The following TLN2 variants were observed in gnomAD, a reference collection of about 807,000 sequenced individuals.
The protein encoded by TLN2 is talin 2, also known as talin-2.
In TLN2, 118 loss-of-function variants were observed where a neutral mutation model predicts 294.7. The ratio of observed to expected loss-of-function variants is 0.40; its 90% CI spans 0.34 to 0.47. The LOEUF (loss-of-function observed/expected upper bound fraction) is 0.47, where lower values mean the gene tolerates loss of function less well. TLN2 is among the 20% of genes least tolerant of loss of function. TLN2 has a pLI of 0.84. For synonymous variants in TLN2, 1,431 were observed against 1,304.5 expected (o/e 1.10, Z -2.09); for missense variants, 3,083 against 3,282.2 (o/e 0.94, Z 1.48).
At chr15:62,606,653 A>G (rs149134174) in intron 2 of TLN2, among the ~76,000 whole-genome samples, 7 of 152,252 alleles carry the variant, frequency 4.6e-5, no homozygotes, top group South Asian at 2.1e-4. Flanking sequence ...ACCACCAGAC[A>G]CTGCCTTTTT....
intron 26 of TLN2, 62 bp downstream of exon 26, chr15:62,722,549 C>A: frequency 6.5e-7 from 1 of 1,543,252 alleles, no homozygotes; most frequent in Non-Finnish European, 8.8e-7. Flanking sequence ...GCATGGGTAC[C>A]ACCCAGGGCC....
At position 62,708,686 on chromosome 15, in the gene TLN2, AGCATGTGCG is replaced by A; in HGVS notation, c.2361_2369del (p.His787_Arg789del). 1.2e-6 allele frequency: 2 copies of A among 1,614,140 alleles called. No homozygotes were observed. The highest frequency in any genetic ancestry group is 1.7e-6 in the Non-Finnish European group (2 of 1,180,054). ...AGCCAGGCCCTCCATGATCTCCTGCAGCATGTGCGGCAGTTTGCCAGCCGAGGCGAGCCC... is the reference window on the plus strand; with the variant it reads ...AGCCAGGCCCTCCATGATCTCCTGCAGCAGTTTGCCAGCCGAGGCGAGCCC... On this transcript the variant is annotated inframe_deletion, in exon 21 of 59. Coordinates refer to ENST00000636159, the MANE Select transcript of TLN2 (RefSeq NM_015059.3).
At chr15:62,588,540 G>C (rs2045814730) in intron 1 of TLN2, among the ~76,000 whole-genome samples, 1 of 151,152 alleles carries the variant, frequency 6.6e-6, no homozygotes. Context: ...GCTGAAGCAG[G>C]AGAGTTGCTT....
At chr15:62,653,399 C>G (rs1489822914) in intron 7 of TLN2, 85 bp downstream of exon 7, 1 of 1,431,092 alleles carries the variant, frequency 7.0e-7, no homozygotes, top group Non-Finnish European at 9.2e-7. Context: ...TGACCCAGGA[C>G]AGGACTTTTG....
intron 1 of TLN2, among the ~76,000 whole-genome samples, chr15:62,565,861 C>G (rs1435114436): frequency 2.0e-5 from 3 of 151,986 alleles, no homozygotes; most frequent in Admixed American, 1.3e-4. Flanking sequence ...CCTGGCATAG[C>G]ATTGTCAGGG....
intron 54 of TLN2, among the ~76,000 whole-genome samples, chr15:62,825,836 A>AT (rs1555522053): frequency 2.6e-5 from 2 of 77,064 alleles, no homozygotes; most frequent in African/African-American, 8.2e-5. Context: ...TATAATATAT[A>AT]ATATATATAA....
chr15:62,586,863 T>C (rs755216012), intron 1 of TLN2, among the ~76,000 whole-genome samples: 8 of 152,252 alleles, frequency 5.3e-5, no homozygotes, highest in Non-Finnish European at 1.2e-4. Context: ...GGCTTTGAGC[T>C]TCTTCAGTTA....
chr15:62,532,497 C>T (rs1437461493), intron 1 of TLN2, among the ~76,000 whole-genome samples: 1 of 152,198 alleles, frequency 6.6e-6, no homozygotes, highest in East Asian at 1.9e-4. Context: ...AACTGCTCTC[C>T]AGAGCCCTTT....
intron 51 of TLN2, among the ~76,000 whole-genome samples, chr15:62,805,997 T>C (rs969249765): frequency 4.6e-5 from 7 of 152,158 alleles, no homozygotes; most frequent in Non-Finnish European, 8.8e-5. Flanking sequence ...GAGACCAGCC[T>C]GGGCAACATA....
At chr15:62,558,522 A>C (rs1449169432) in intron 1 of TLN2, among the ~76,000 whole-genome samples, 7 of 152,016 alleles carry the variant, frequency 4.6e-5, no homozygotes, top group Non-Finnish European at 8.8e-5. Context: ...CCCCGTTCTT[A>C]GTTGGAACAG....
At position 62,840,736 on chromosome 15, in the gene TLN2, G is replaced by C. The variant is rs1307827657; in HGVS notation, c.*126G>C. ...CCCTCCCGGGTGAGCCTGGAGCCCTGCGTGCTTGTTCTCACATCTCTGTCC... is the reference window on the plus strand; with the variant it reads ...CCCTCCCGGGTGAGCCTGGAGCCCTCCGTGCTTGTTCTCACATCTCTGTCC... On this transcript the variant is annotated 3_prime_UTR_variant, in exon 59 of 59. Coordinates refer to ENST00000636159, the MANE Select transcript of TLN2 (RefSeq NM_015059.3). 1 of 1,351,382 alleles carries C rather than the reference G, an allele frequency of 7.4e-7. No individual in the cohort carries two copies. Among genetic ancestry groups the C allele is most frequent in the African/African-American group, 1.5e-5 (1 of 68,006 alleles). 83.7% of individuals were successfully genotyped at this position (1,351,382 alleles called of 1,614,324 possible).
chr15:62,786,537 TC>T (rs1396113088), intron 45 of TLN2, among the ~76,000 whole-genome samples: 3 of 152,274 alleles, frequency 2.0e-5, no homozygotes, highest in African/African-American at 7.2e-5. Flanking sequence ...GAACTCGAGA[TC>T]CTATGAGCCA....
Position 62,667,256 on chromosome 15 carries a change from G to A in TLN2, c.789-6571G>A, listed in dbSNP as rs577683158. Among the ~76,000 whole-genome samples, 39 of 152,262 alleles carry A rather than the reference G, an allele frequency of 2.6e-4. No homozygotes were observed. The East Asian group carries it at 4.4e-3, about 17-fold the overall frequency. ...GCTGGGATTACAGGCGTGAGCCACC[G>A]TGCCTGGCGAACACTGGCATTTCTG... is the stretch of plus-strand genomic sequence containing the variant. On this transcript the variant is annotated intron_variant, in intron 9 of 58. Transcript: ENST00000636159.
chr15:62,572,984 C>T (rs62006718), intron 1 of TLN2, among the ~76,000 whole-genome samples: 5,564 of 152,298 alleles, frequency 0.037, 126 homozygotes, highest in Non-Finnish European at 0.056. Flanking sequence ...CACGGGCCTT[C>T]CCAGTTCCCA....
intron 1 of TLN2, among the ~76,000 whole-genome samples, chr15:62,397,046 G>C (rs540087013): frequency 1.3e-5 from 2 of 152,164 alleles, no homozygotes; most frequent in Non-Finnish European, 2.9e-5. Flanking sequence ...CCTCAAACTT[G>C]GTTTTCCTAA....
chr15:62,699,016 C>A, intron 16 of TLN2, 149 bp downstream of exon 16: 3 of 733,138 alleles, frequency 4.1e-6, no homozygotes, highest in Middle Eastern at 5.9e-4. Flanking sequence ...CTTTGCCTCT[C>A]AGTTGCACCC....
chr15:62,824,245 G>A (rs180920432), intron 54 of TLN2, among the ~76,000 whole-genome samples: 3 of 152,178 alleles, frequency 2.0e-5, no homozygotes, highest in Non-Finnish European at 1.5e-5. Context: ...AAGAGCCTGG[G>A]GTATTCTGTG....
rs397971393 is a variant in TLN2, at chr15:62,460,277, T to TC, written c.-238+69595dup. ...GCCACATGGTTTTTTTTTTTTTTTTTCCCTTGAGATGGAGTTTTGCTCTTG... is the reference window on the plus strand; with the variant it reads ...GCCACATGGTTTTTTTTTTTTTTTTTCCCCTTGAGATGGAGTTTTGCTCTTG... On this transcript the variant is annotated intron_variant, in intron 1 of 58. Coordinates refer to ENST00000636159, the MANE Select transcript of TLN2 (RefSeq NM_015059.3). 4.4e-3 allele frequency among the ~76,000 whole-genome samples: 663 copies of TC among 151,416 alleles called. 6 individuals are homozygous for TC. Among genetic ancestry groups the TC allele is most frequent in the African/African-American group, 0.015 (619 of 41,116 alleles).
intron 1 of TLN2, among the ~76,000 whole-genome samples, chr15:62,438,259 G>C (rs2035387307): frequency 6.6e-6 from 1 of 152,050 alleles, no homozygotes; most frequent in South Asian, 2.1e-4. Context: ...TCACATCCTT[G>C]CTTTTTGCAC....
Sources: allele counts gnomAD v4.1 joint callset (sites outside exome capture counted in the v4.1 genomes callset), GRCh38; gene constraint gnomAD v4.1.1; transcripts MANE v1.5; gene names NCBI Gene and HGNC (gene_info 2026-07-23, HGNC 2026-07-21).